Variants in SEMA3D observed in about 807,000 individuals in gnomAD.
The protein encoded by SEMA3D is semaphorin-3D.
Under a neutral mutation model 100.1 loss-of-function variants are expected in SEMA3D, and 84 were observed. The ratio of observed to expected loss-of-function variants is 0.84; its 90% confidence interval spans 0.70 to 1.01. The LOEUF is 1.01. SEMA3D is among the 50% of genes least tolerant of loss of function. SEMA3D has a pLI of 0.00. For missense variants in SEMA3D, 875 were observed against 934.1 expected (o/e 0.94, Z 0.82); for synonymous variants, 312 against 320.7 (o/e 0.97, Z 0.29).
chr7:85,104,099 A>G (rs113506984), intron 3 of SEMA3D, among the ~76,000 whole-genome samples: 2,946 of 152,110 alleles, frequency 0.019, 100 homozygotes, highest in African/African-American at 0.067. Flanking sequence ...ATAATTTCCA[A>G]TTGCTAGCAC....
intron 1 of SEMA3D, chr7:85,181,895 T>C (rs921699464): frequency 4.0e-6 from 1 of 252,744 alleles, no homozygotes; most frequent in South Asian, 1.5e-4. Flanking sequence ...ATCAAAATTA[T>C]TAAAATGCAA....
At chr7:85,011,565 C>T (rs1008025276) in intron 17 of SEMA3D, among the ~76,000 whole-genome samples, 1 of 151,774 alleles carries the variant, frequency 6.6e-6, no homozygotes, top group Non-Finnish European at 1.5e-5. Context: ...ATATAAATAT[C>T]GTGAATGCAC....
At chr7:85,081,088 T>G (rs1788045903) in intron 5 of SEMA3D, among the ~76,000 whole-genome samples, 1 of 152,196 alleles carries the variant, frequency 6.6e-6, no homozygotes, top group Non-Finnish European at 1.5e-5. Flanking sequence ...TATTTTAAGT[T>G]TAATTTGAAC....
chr7:85,014,788 G>A (rs996839907), intron 16 of SEMA3D, among the ~76,000 whole-genome samples: 6 of 151,694 alleles, frequency 4.0e-5, no homozygotes, highest in East Asian at 2.0e-4. Context: ...ACCTTTAATA[G>A]TGCTTGACAT....
At chr7:85,010,810 C>A (rs1310914446) in intron 17 of SEMA3D, among the ~76,000 whole-genome samples, 1 of 151,548 alleles carries the variant, frequency 6.6e-6, no homozygotes, top group African/African-American at 2.4e-5. Flanking sequence ...AGGGTGAGTT[C>A]AGAATTGGAC....
chr7:85,176,857 T>C (rs1186013092), intron 1 of SEMA3D, among the ~76,000 whole-genome samples: 1 of 152,036 alleles, frequency 6.6e-6, no homozygotes, highest in Non-Finnish European at 1.5e-5. Flanking sequence ...ATGTGATGTG[T>C]ACAATGTTTT....
At chr7:85,066,467 C>A (rs531019423) in intron 7 of SEMA3D, among the ~76,000 whole-genome samples, 1 of 151,150 alleles carries the variant, frequency 6.6e-6, no homozygotes, top group South Asian at 2.1e-4. Flanking sequence ...GAGAAGAAGG[C>A]AGCAGGGATC....
chr7:85,125,479 T>TAAGTTAAAAATCAAAGCC (rs1789541825), intron 2 of SEMA3D, among the ~76,000 whole-genome samples: 1 of 152,118 alleles, frequency 6.6e-6, no homozygotes, highest in African/African-American at 2.4e-5. Context: ...TATTGTTAAA[T>TAAGTTAAAAATCAAAGCC]AAGTTAAAAA....
At chr7:85,000,956 T>A (rs1789639158) in intron 18 of SEMA3D, among the ~76,000 whole-genome samples, 1 of 152,206 alleles carries the variant, frequency 6.6e-6, no homozygotes, top group South Asian at 2.1e-4. Flanking sequence ...TGTAGACTTT[T>A]AGATGATGGA....
chr7:85,072,571 T>C (rs1791804320), intron 6 of SEMA3D, among the ~76,000 whole-genome samples: 1 of 152,198 alleles, frequency 6.6e-6, no homozygotes, highest in Non-Finnish European at 1.5e-5. Flanking sequence ...CATTTTACAC[T>C]ATTAATTTTG....
At chr7:85,078,792 C>T (rs1787965357) in intron 5 of SEMA3D, among the ~76,000 whole-genome samples, 1 of 152,114 alleles carries the variant, frequency 6.6e-6, no homozygotes, top group Non-Finnish European at 1.5e-5. Context: ...AAGGGACAGT[C>T]TTTCCAAACA....
At chr7:85,093,690 AAACT>A (rs1788468369) in intron 4 of SEMA3D, among the ~76,000 whole-genome samples, 1 of 152,064 alleles carries the variant, frequency 6.6e-6, no homozygotes. Flanking sequence ...CAAAAAAGGA[AAACT>A]AACAAAATCA....
chr7:85,139,369 T>C (rs1480751149), intron 2 of SEMA3D, among the ~76,000 whole-genome samples: 3 of 152,134 alleles, frequency 2.0e-5, no homozygotes, highest in East Asian at 1.9e-4. Flanking sequence ...TAAAGAGTTA[T>C]GCAATGTAGC....
chr7:85,136,086 A>G (rs1185431708), intron 2 of SEMA3D, among the ~76,000 whole-genome samples: 3 of 152,132 alleles, frequency 2.0e-5, no homozygotes, highest in Admixed American at 2.0e-4. Context: ...TACTCAGAGG[A>G]AAAATGTAGA....
At chr7:85,096,293 C>T (rs1788551197) in intron 4 of SEMA3D, among the ~76,000 whole-genome samples, 2 of 151,618 alleles carry the variant, frequency 1.3e-5, no homozygotes, top group Admixed American at 1.3e-4. Context: ...AAAATACAGC[C>T]TTAAGAAAAA....
chr7:85,034,611 A>T (rs1313378379), intron 12 of SEMA3D, among the ~76,000 whole-genome samples: 1 of 152,136 alleles, frequency 6.6e-6, no homozygotes, highest in Non-Finnish European at 1.5e-5. Flanking sequence ...TGACAAAAAA[A>T]CAAAAAACAA....
chr7:85,117,967 A>C (rs1439216299), intron 3 of SEMA3D, among the ~76,000 whole-genome samples: 1 of 151,958 alleles, frequency 6.6e-6, no homozygotes, highest in African/African-American at 2.4e-5. Flanking sequence ...TAATCCCATG[A>C]TAGTCACACA....
rs145996926 is a variant in SEMA3D, at chr7:85,015,160, G to A, written c.1602C>T (p.Cys534=). The stretch of plus-strand genomic sequence containing the variant: ...CTGCGCAAGCTTTCCCATAAGTGTC[G>A]CATCTGTGCAAGGAGAGCTGAACCA... ...DGLVQLSLHR[C]DTYGKACADC... is the part of the protein sequence containing the mutation. Residue 534 remains cysteine (C), a synonymous_variant, in exon 16 of 19, where the codon TGC becomes TGT. Coordinates refer to ENST00000284136, the MANE Select transcript of SEMA3D (RefSeq NM_001384900.1). 3,235 of 1,611,694 alleles carry A rather than the reference G, an allele frequency of 2.0e-3. 6 individuals are homozygous for A. Among genetic ancestry groups the A allele is most frequent in the Non-Finnish European group, 2.5e-3 (2,904 of 1,178,424 alleles).
the SEMA3D span, among the ~76,000 whole-genome samples, chr7:85,215,197 A>G: frequency 2.0e-5 from 3 of 151,250 alleles, no homozygotes; most frequent in African/African-American, 7.3e-5. Flanking sequence ...GACTAATCTC[A>G]ATTGCCCTGC....
Sources: allele counts gnomAD v4.1 joint callset (sites outside exome capture counted in the v4.1 genomes callset), GRCh38; gene constraint gnomAD v4.1.1; transcripts MANE v1.5; gene names NCBI Gene and HGNC (gene_info 2026-07-23, HGNC 2026-07-21).